The following PFDN2 variants were observed in gnomAD, a reference collection of about 807,000 sequenced individuals.
PFDN2 encodes prefoldin 2.
Under a neutral mutation model 18.3 loss-of-function variants are expected in PFDN2, and 7 were observed. The observed-to-expected ratio is 0.38, with a 90% CI of 0.22 to 0.72. The LOEUF (loss-of-function observed/expected upper bound fraction) is 0.72, where lower values mean the gene tolerates loss of function less well. Ranked by LOEUF, PFDN2 falls within the 30% of genes least tolerant of loss-of-function variation. PFDN2 has a pLI of 0.47. For missense variants in PFDN2, 181 were observed against 199.1 expected (o/e 0.91, Z 0.55); for synonymous variants, 76 against 75.0 (o/e 1.01, Z -0.07).
chr1:161,117,896 C>G, intron 1 of PFDN2, 56 bp downstream of exon 1: 2 of 1,443,338 alleles, frequency 1.4e-6, no homozygotes, highest in East Asian at 4.6e-5. Context: ...GCTCCCCCTT[C>G]TCGCTAGTAT....
intron 1 of PFDN2, among the ~76,000 whole-genome samples, chr1:161,117,064 C>T (rs1470993020): frequency 6.6e-6 from 1 of 151,386 alleles, no homozygotes; most frequent in Admixed American, 6.6e-5. Flanking sequence ...GAAACCCCGT[C>T]TCTACTAAAA....
chr1:161,100,654 G>C lies in PFDN2; in HGVS notation c.*29C>G. 2 of 1,446,370 alleles carry C rather than the reference G, an allele frequency of 1.4e-6. No individual in the cohort carries two copies. Among genetic ancestry groups the C allele is most frequent in the Non-Finnish European group, 9.3e-7 (1 of 1,069,520 alleles). The allele number at this position is 1,446,370 out of a possible 1,614,324, so 89.6% of individuals were successfully genotyped here. On this transcript the variant is annotated 3_prime_UTR_variant, in exon 4 of 4. Transcript: ENST00000368010. ...AAGAGAAATTAGAAGTGGGAGTCAGGGTAGAAAAAAATGCAAAGGCCTTGG... is the reference window on the plus strand; with the variant it reads ...AAGAGAAATTAGAAGTGGGAGTCAGCGTAGAAAAAAATGCAAAGGCCTTGG...
At chr1:161,104,835 A>G (rs1042296370) in intron 1 of PFDN2, among the ~76,000 whole-genome samples, 3 of 152,124 alleles carry the variant, frequency 2.0e-5, no homozygotes, top group Admixed American at 6.6e-5. Context: ...CAATAAACCA[A>G]GGAGTAATAC....
chr1:161,106,979 C>T (rs1444985069), intron 1 of PFDN2, among the ~76,000 whole-genome samples: 1 of 151,308 alleles, frequency 6.6e-6, no homozygotes, highest in Non-Finnish European at 1.5e-5. Context: ...CGGCTAATTT[C>T]TGTATTTTTT....
At chr1:161,103,174 T>C (rs557758449) in intron 1 of PFDN2, among the ~76,000 whole-genome samples, 34 of 152,078 alleles carry the variant, frequency 2.2e-4, no homozygotes, top group Non-Finnish European at 4.6e-4. Context: ...CAGTGACCTA[T>C]GGAATCTCTC....
At chr1:161,104,974 C>T (rs950899725) in intron 1 of PFDN2, among the ~76,000 whole-genome samples, 1 of 152,120 alleles carries the variant, frequency 6.6e-6, no homozygotes, top group Non-Finnish European at 1.5e-5. Flanking sequence ...GATTGTTTTT[C>T]CTTAACCTTC....
At chr1:161,105,543 C>T (rs1305697827) in intron 1 of PFDN2, among the ~76,000 whole-genome samples, 1 of 150,582 alleles carries the variant, frequency 6.6e-6, no homozygotes, top group East Asian at 2.0e-4. Flanking sequence ...TTGCAACCTC[C>T]GCCTCCCGGG....
Position 161,117,974 on chromosome 1 carries a change from T to G in PFDN2, c.53A>C (p.Lys18Thr). Reference sequence around the variant, plus strand: ...CACCTGCTCTGCGGACACCGCCCCCTTCCCCGCGCCGCTCCCGCTGCTCTT... The same window carrying G: ...CACCTGCTCTGCGGACACCGCCCCCGTCCCCGCGCCGCTCCCGCTGCTCTT... ...AGKSSGSGAG[K>T]GAVSAEQVIA... The change falls in exon 1 of 4, where the codon AAG becomes ACG. Residue 18 changes from lysine to threonine, a missense_variant. By Grantham distance (78) the Lys-to-Thr change is moderately conservative (BLOSUM62 -1). Coordinates refer to ENST00000368010, the MANE Select transcript of PFDN2 (RefSeq NM_012394.4). The G allele has an allele frequency of 6.2e-7, 1 of 1,612,794 alleles. No homozygotes were observed. The highest frequency in any genetic ancestry group is 2.2e-5 in the East Asian group (1 of 44,840).
chr1:161,104,618 AG>A (rs1172087304), intron 1 of PFDN2, among the ~76,000 whole-genome samples: 1 of 151,860 alleles, frequency 6.6e-6, no homozygotes, highest in Non-Finnish European at 1.5e-5. Context: ...TTGTAGAGAC[AG>A]GATCTTACTA....
At chr1:161,102,723 G>C (rs959906629) in intron 1 of PFDN2, among the ~76,000 whole-genome samples, 1 of 152,082 alleles carries the variant, frequency 6.6e-6, no homozygotes, top group African/African-American at 2.4e-5. Flanking sequence ...ACTTTGGGAG[G>C]CCAAGGCAGG....
At chr1:161,103,333 A>C (rs1654609955) in intron 1 of PFDN2, among the ~76,000 whole-genome samples, 1 of 151,850 alleles carries the variant, frequency 6.6e-6, no homozygotes, top group Non-Finnish European at 1.5e-5. Flanking sequence ...CTAGTTATTT[A>C]GCCTTCTTTT....
In PFDN2 at chr1:161,108,152, A is replaced by T. The variant is rs1044764891; in HGVS notation, c.76-5777T>A. Among the ~76,000 whole-genome samples, 13 of 132,340 alleles carry T rather than the reference A, an allele frequency of 9.8e-5. No homozygotes were observed. The East Asian group carries it at 1.1e-3, about 12-fold the overall frequency. 86.8% of individuals were successfully genotyped at this position (132,340 alleles called of 152,430 possible). A position where few individuals can be genotyped will look rare whatever the true frequency, so the allele number is the denominator to read the frequency against. ...AAAAACAAAAACAAAAATAAAAATT[A>T]AAAAAAAAAAAAAAACAAGGCTGGG... On this transcript the variant is annotated intron_variant, in intron 1 of 3. Coordinates refer to ENST00000368010, the MANE Select transcript of PFDN2 (RefSeq NM_012394.4).
chr1:161,117,092 G>C (rs191141550), intron 1 of PFDN2, among the ~76,000 whole-genome samples: 1 of 151,912 alleles, frequency 6.6e-6, no homozygotes, highest in South Asian at 2.1e-4. Context: ...AATTAGCCAG[G>C]TGTGGCGGCG....
Position 161,100,639 on chromosome 1 carries a change from A to G in PFDN2, c.*44T>C. 1.6e-6 allele frequency: 2 copies of G among 1,254,984 alleles called. No individual in the cohort carries two copies. The highest frequency in any genetic ancestry group is 2.2e-6 in the Non-Finnish European group (2 of 901,708). 77.7% of individuals were successfully genotyped at this position (1,254,984 alleles called of 1,614,324 possible). A position where few individuals can be genotyped will look rare whatever the true frequency, so the allele number is the denominator to read the frequency against. ...ATAATAATAACAATAAAGAGAAATTAGAAGTGGGAGTCAGGGTAGAAAAAA... is the reference window on the plus strand; with the variant it reads ...ATAATAATAACAATAAAGAGAAATTGGAAGTGGGAGTCAGGGTAGAAAAAA... On this transcript the variant is annotated 3_prime_UTR_variant, in exon 4 of 4. Transcript: ENST00000368010.
intron 1 of PFDN2, among the ~76,000 whole-genome samples, chr1:161,107,658 T>C (rs1654710015): frequency 1.4e-5 from 2 of 142,982 alleles, no homozygotes; most frequent in South Asian, 2.2e-4. Context: ...CTACTAAAAA[T>C]ACAAAAATTA....
chr1:161,112,740 G>T (rs1253544396), intron 1 of PFDN2, among the ~76,000 whole-genome samples: 2 of 152,052 alleles, frequency 1.3e-5, no homozygotes, highest in Non-Finnish European at 2.9e-5. Context: ...TCTTCTAAAT[G>T]ATCCTATTTT....
intron 1 of PFDN2, among the ~76,000 whole-genome samples, chr1:161,107,534 G>T (rs1654706967): frequency 6.6e-6 from 1 of 152,048 alleles, no homozygotes. Flanking sequence ...CTTTGGACAG[G>T]CCTGGCATGG....
In PFDN2 at chr1:161,107,421, T is replaced by A. The variant is rs1420223210; in HGVS notation, c.76-5046A>T. Among the ~76,000 whole-genome samples the A allele has an allele frequency of 2.9e-5, 3 of 105,046 alleles. No individual in the cohort carries two copies. In the Admixed American group the frequency reaches 3.4e-4, roughly 12 times the overall value. The allele number at this position is 105,046 out of a possible 152,430, so 68.9% of individuals were successfully genotyped here. A position where few individuals can be genotyped will look rare whatever the true frequency, so the allele number is the denominator to read the frequency against. On this transcript the variant is annotated intron_variant, in intron 1 of 3. Coordinates refer to ENST00000368010, the MANE Select transcript of PFDN2 (RefSeq NM_012394.4). ...TCCTGGCTGACAGAGCGAGACTCTG[T>A]CTCAAAAAAAAAAAAAAAAAAAAAA...
chr1:161,117,351 G>C (rs779545654), intron 1 of PFDN2, among the ~76,000 whole-genome samples: 1 of 152,180 alleles, frequency 6.6e-6, no homozygotes, highest in Non-Finnish European at 1.5e-5. Flanking sequence ...GCCACAAAGG[G>C]TTTTCTAATT....
Sources: allele counts gnomAD v4.1 joint callset (sites outside exome capture counted in the v4.1 genomes callset), GRCh38; gene constraint gnomAD v4.1.1; transcripts MANE v1.5; gene names NCBI Gene and HGNC (gene_info 2026-07-23, HGNC 2026-07-21).